Variants in SLIT3 observed in about 807,000 individuals in gnomAD.
The protein encoded by SLIT3 is slit homolog 3 protein.
In SLIT3, 68 loss-of-function variants were observed where a neutral mutation model predicts 184.0. That is an observed-to-expected ratio of 0.37 (90% CI 0.30 to 0.45). The LOEUF is 0.45. Among genes scored for constraint, SLIT3 ranks in the 20% least tolerant of loss-of-function variants. The probability of loss-of-function intolerance (pLI) is 1.00; values close to 1 mark genes in which losing one functional copy is unlikely to be tolerated. For synonymous variants in SLIT3, 831 were observed against 828.6 expected (o/e 1.00, Z -0.05); for missense variants, 1,707 against 2,026.0 (o/e 0.84, Z 3.02).
chr5:168,806,671 G>T, intron 8 of SLIT3, 84 bp from the exon 9 acceptor site: 1 of 1,507,082 alleles, frequency 6.6e-7, no homozygotes, highest in Admixed American at 1.8e-5. Flanking sequence ...CATCCTAAGG[G>T]CAAAGCATGA....
At chr5:168,880,064 C>T (rs1759891927) in intron 5 of SLIT3, among the ~76,000 whole-genome samples, 1 of 152,198 alleles carries the variant, frequency 6.6e-6, no homozygotes, top group Admixed American at 6.5e-5. Flanking sequence ...CTGCGAAGCT[C>T]TGTTGATTTT....
rs545082227 is a variant in SLIT3, at chr5:169,065,555, C to A, written c.413+127924G>T. On this transcript the variant is annotated intron_variant, in intron 4 of 35. Coordinates refer to ENST00000519560, the MANE Select transcript of SLIT3 (RefSeq NM_003062.4). ...GGAGGAGCCTGGCCATCAAGACAGT[C>A]CTCTTTTAAACTTGACCTTTGTCTT... 2.6e-5 allele frequency among the ~76,000 whole-genome samples: 4 copies of A among 152,292 alleles called. No homozygotes were observed. In the South Asian group the frequency reaches 8.3e-4, roughly 32 times the overall value.
chr5:168,728,631 A>C (rs1446978709), intron 20 of SLIT3, among the ~76,000 whole-genome samples: 3 of 152,106 alleles, frequency 2.0e-5, no homozygotes, highest in Non-Finnish European at 4.4e-5. Context: ...AAAAATAAAA[A>C]AGCCAAAGCC....
At chr5:169,242,421 G>A (rs1765434970) in intron 3 of SLIT3, among the ~76,000 whole-genome samples, 1 of 152,144 alleles carries the variant, frequency 6.6e-6, no homozygotes, top group Non-Finnish European at 1.5e-5. Flanking sequence ...GTAGTTTCCT[G>A]TGGCCACATG....
At chr5:169,241,151 C>T (rs1162562013) in intron 3 of SLIT3, among the ~76,000 whole-genome samples, 3 of 152,064 alleles carry the variant, frequency 2.0e-5, no homozygotes, top group Non-Finnish European at 4.4e-5. Flanking sequence ...GTGTTTGTTT[C>T]CTCTTGGTTT....
At chr5:168,810,978 C>G (rs1757139210) in intron 8 of SLIT3, among the ~76,000 whole-genome samples, 2 of 152,122 alleles carry the variant, frequency 1.3e-5, no homozygotes. Flanking sequence ...GGAAGAAAGA[C>G]TGAGCCATAA....
At chr5:168,700,344 C>T (rs1007274059) in intron 27 of SLIT3, among the ~76,000 whole-genome samples, 5 of 152,208 alleles carry the variant, frequency 3.3e-5, no homozygotes, top group African/African-American at 9.7e-5. Flanking sequence ...ATAAATCTCA[C>T]CAGAGCTGAC....
intron 4 of SLIT3, among the ~76,000 whole-genome samples, chr5:169,020,790 G>C (rs1756568349): frequency 6.6e-6 from 1 of 152,212 alleles, no homozygotes; most frequent in African/African-American, 2.4e-5. Flanking sequence ...AGAGAGGACA[G>C]TGGTCGCGGA....
At chr5:169,145,846 G>T (rs190493750) in intron 4 of SLIT3, among the ~76,000 whole-genome samples, 3 of 152,148 alleles carry the variant, frequency 2.0e-5, no homozygotes, top group African/African-American at 7.2e-5. Flanking sequence ...TCAGGAGCTC[G>T]AGGCCAGCCT....
rs189185081 is a variant in SLIT3 at position 169,119,696 on chromosome 5, A to T, written c.413+73783T>A. Among the ~76,000 whole-genome samples the T allele has an allele frequency of 1.2e-3, 177 of 152,138 alleles. 1 individual carries two copies. The highest frequency in any genetic ancestry group is 4.1e-3 in the African/African-American group (170 of 41,548). On this transcript the variant is annotated intron_variant, in intron 4 of 35. Transcript: ENST00000519560. The stretch of plus-strand genomic sequence containing the variant: ...GACAGAAGAACGTGTCTTTGGCTAA[A>T]CACCCAACTGTGGCACGCTGCCTCT...
intron 4 of SLIT3, among the ~76,000 whole-genome samples, chr5:169,102,059 T>C (rs1760040766): frequency 6.6e-6 from 1 of 152,244 alleles, no homozygotes; most frequent in Non-Finnish European, 1.5e-5. Flanking sequence ...CTATTCACCT[T>C]GACCCTGACA....
At chr5:169,141,338 T>C (rs944015809) in intron 4 of SLIT3, among the ~76,000 whole-genome samples, 3 of 152,198 alleles carry the variant, frequency 2.0e-5, no homozygotes, top group African/African-American at 7.2e-5. Flanking sequence ...TTCTGCCTCT[T>C]TCCTTGCCAC....
chr5:169,197,515 G>C (rs62376885), intron 3 of SLIT3, among the ~76,000 whole-genome samples: 21,967 of 152,126 alleles, frequency 0.14, 1,935 homozygotes, highest in East Asian at 0.44. Context: ...CTGATAAACA[G>C]GTAAGTGCCG....
At chr5:168,729,841 A>T (rs892435643) in intron 20 of SLIT3, among the ~76,000 whole-genome samples, 6 of 152,164 alleles carry the variant, frequency 3.9e-5, no homozygotes, top group African/African-American at 1.4e-4. Flanking sequence ...GAAAACAATC[A>T]ACAATATGAC....
At chr5:169,247,024 T>C (rs996328915) in intron 2 of SLIT3, among the ~76,000 whole-genome samples, 7 of 148,290 alleles carry the variant, frequency 4.7e-5, no homozygotes, top group Non-Finnish European at 1.0e-4. Flanking sequence ...AGGTCAGGAG[T>C]TCGAGACCAG....
chr5:169,028,408 G>T (rs1001869076), intron 4 of SLIT3, among the ~76,000 whole-genome samples: 5 of 152,188 alleles, frequency 3.3e-5, no homozygotes, highest in Non-Finnish European at 7.3e-5. Context: ...GCGCTTACCA[G>T]CTGGGTGAAC....
intron 4 of SLIT3, among the ~76,000 whole-genome samples, chr5:168,915,359 G>A (rs1487596034): frequency 6.6e-6 from 1 of 152,136 alleles, no homozygotes; most frequent in Admixed American, 6.5e-5. Context: ...TGCTGCTAGT[G>A]AGGGTAGACA....
chr5:168,749,719 T>C (rs1272793427), intron 18 of SLIT3, 84 bp from the exon 19 acceptor site: 2 of 1,461,204 alleles, frequency 1.4e-6, no homozygotes, highest in East Asian at 4.5e-5. Context: ...CCAGCTCTCC[T>C]AGCCAGGAAG....
intron 8 of SLIT3, among the ~76,000 whole-genome samples, chr5:168,815,306 T>C (rs1757303183): frequency 6.6e-6 from 1 of 152,230 alleles, no homozygotes; most frequent in Admixed American, 6.5e-5. Context: ...TCCTGACTGC[T>C]GCTGGGTGAG....
Sources: gnomAD v4.1 joint callset for allele counts (sites outside exome capture counted in the v4.1 genomes callset) on GRCh38, gnomAD v4.1.1 for gene constraint, MANE v1.5 for transcripts, NCBI Gene and HGNC (gene_info 2026-07-23, HGNC 2026-07-21) for gene names.